IGF2BP3: variants seen among roughly 807,000 people sequenced by gnomAD.
IGF2BP3 encodes the protein insulin-like growth factor 2 mRNA-binding protein 3.
IGF2BP3 carries 9 observed loss-of-function variants against 73.8 expected under a neutral mutation model. The ratio of observed to expected loss-of-function variants is 0.12; its 90% CI spans 0.07 to 0.21. The LOEUF (loss-of-function observed/expected upper bound fraction) is 0.21, where lower values mean the gene tolerates loss of function less well. Among genes scored for constraint, IGF2BP3 ranks in the 10% least tolerant of loss-of-function variants. The probability of loss-of-function intolerance (pLI) is 1.00; values close to 1 mark genes in which losing one functional copy is unlikely to be tolerated. For synonymous variants in IGF2BP3, 258 were observed against 256.7 expected, an observed-to-expected ratio of 1.01 and a Z score of -0.05; for missense variants, 542 against 714.0, an observed-to-expected ratio of 0.76 and a Z score of 2.75.
At chr7:23,330,441 C>T (rs975117620) in intron 10 of IGF2BP3, among the ~76,000 whole-genome samples, 1 of 151,748 alleles carries the variant, frequency 6.6e-6, no homozygotes, top group African/African-American at 2.4e-5. Flanking sequence ...CTGCCTTCCC[C>T]TCTCCTCTCA....
At chr7:23,332,961 A>G (rs185786212) in intron 10 of IGF2BP3, among the ~76,000 whole-genome samples, 2 of 152,244 alleles carry the variant, frequency 1.3e-5, no homozygotes, top group Admixed American at 6.5e-5. Flanking sequence ...GCTGGTGGTG[A>G]TAAAGACCTT....
At chr7:23,347,780 G>C in intron 6 of IGF2BP3, 46 bp from the exon 7 acceptor site, 1 of 1,611,810 alleles carries the variant, frequency 6.2e-7, no homozygotes, top group Non-Finnish European at 8.5e-7. Flanking sequence ...CAGTAAGCGT[G>C]TATTCACAGT....
intron 10 of IGF2BP3, among the ~76,000 whole-genome samples, chr7:23,328,325 C>T (rs1784357348): frequency 6.6e-6 from 1 of 152,162 alleles, no homozygotes; most frequent in Non-Finnish European, 1.5e-5. Context: ...TCTTCTGCTT[C>T]AGCCTCCTGA....
chr7:23,461,426 TAGTA>T (rs754230622), intron 2 of IGF2BP3, among the ~76,000 whole-genome samples: 1 of 152,338 alleles, frequency 6.6e-6, no homozygotes, highest in African/African-American at 2.4e-5. Flanking sequence ...CTTAAATTTC[TAGTA>T]AGTATTAGAA....
chr7:23,348,318 A>C (rs1354111749), intron 6 of IGF2BP3, among the ~76,000 whole-genome samples: 2 of 152,190 alleles, frequency 1.3e-5, no homozygotes, highest in Non-Finnish European at 2.9e-5. Flanking sequence ...TAAACTCAAA[A>C]TGATGTTTAA....
At chr7:23,439,369 A>G (rs894821506) in intron 2 of IGF2BP3, among the ~76,000 whole-genome samples, 2 of 151,648 alleles carry the variant, frequency 1.3e-5, no homozygotes, top group African/African-American at 2.4e-5. Flanking sequence ...CCTGGCTAAC[A>G]CGGTGAAACC....
chr7:23,312,443 A>G lies in IGF2BP3; in HGVS notation c.1659T>C (p.Ile553=), dbSNP rs1316477073. 2 of 1,613,732 alleles carry G rather than the reference A, an allele frequency of 1.2e-6. No individual in the cohort carries two copies. Among genetic ancestry groups the G allele is most frequent in the Non-Finnish European group, 1.7e-6 (2 of 1,179,806 alleles). Residue 553 remains isoleucine, a synonymous_variant, in exon 15 of 15, where the codon ATT becomes ATC. Transcript: ENST00000258729. The part of the protein sequence containing the change: ...FYACQVAQRK[I]QEILTQVKQH... Reference sequence around the variant, plus strand: ...GCTTTACCTGAGTCAGAATTTCCTGAATTTTTCTCTGGGCAACCTAGAAAA... The same window carrying G: ...GCTTTACCTGAGTCAGAATTTCCTGGATTTTTCTCTGGGCAACCTAGAAAA...
In IGF2BP3 at chr7:23,319,848, T is replaced by G. The variant is rs566918805; in HGVS notation, c.1204-594A>C. ...AGGATTAGGAGAGAGCTAATTCACT[T>G]TAGTGGTAAGATGCCCTAAGATGCT... On this transcript the variant is annotated intron_variant, in intron 10 of 14. Coordinates refer to ENST00000258729, the MANE Select transcript of IGF2BP3 (RefSeq NM_006547.3). 2.0e-5 allele frequency among the ~76,000 whole-genome samples: 3 copies of G among 152,310 alleles called. No individual in the cohort carries two copies. The East Asian group carries it at 5.8e-4, about 29-fold the overall frequency.
chr7:23,332,876 A>T (rs938686105), intron 10 of IGF2BP3, among the ~76,000 whole-genome samples: 2 of 152,224 alleles, frequency 1.3e-5, no homozygotes, highest in African/African-American at 4.8e-5. Flanking sequence ...AAAAAAAATT[A>T]AGGGTGGGAT....
At chr7:23,399,804 A>C (rs1404741422) in intron 3 of IGF2BP3, among the ~76,000 whole-genome samples, 1 of 152,214 alleles carries the variant, frequency 6.6e-6, no homozygotes, top group Non-Finnish European at 1.5e-5. Context: ...GACTATCATT[A>C]AGGTCGGTAG....
intron 10 of IGF2BP3, among the ~76,000 whole-genome samples, chr7:23,320,956 AAAAAAAAAAAAAAG>A (rs1784125023): frequency 6.8e-6 from 1 of 146,130 alleles, no homozygotes; most frequent in African/African-American, 2.6e-5. Context: ...TCAAAAAAAA[AAAAAAAAAAAAAAG>A]AAAAAACAAA....
At chr7:23,452,090 C>T (rs1347596156) in intron 2 of IGF2BP3, among the ~76,000 whole-genome samples, 94 of 151,770 alleles carry the variant, frequency 6.2e-4, no homozygotes, top group Non-Finnish European at 9.1e-4. Flanking sequence ...CTGCAAGCTC[C>T]GCTTCCTGGG....
rs1297290512 is a variant in IGF2BP3, at chr7:23,348,343, A to G, written c.684-609T>C. On this transcript the variant is annotated intron_variant, in intron 6 of 14. Coordinates refer to ENST00000258729, the MANE Select transcript of IGF2BP3 (RefSeq NM_006547.3). ...ATGATGTTTAATTTCACTAGTAATT[A>G]TATGTCTGCCAGCTAAAAGAATGTC... Among the ~76,000 whole-genome samples, 3 of 152,222 alleles carry G rather than the reference A, an allele frequency of 2.0e-5. No homozygotes were observed. The East Asian group carries it at 5.8e-4, about 29-fold the overall frequency.
rs777852676 is a variant in IGF2BP3 at position 23,445,591 on chromosome 7, G to A, written c.236+22891C>T. Among the ~76,000 whole-genome samples, 36 of 151,964 alleles carry A rather than the reference G, an allele frequency of 2.4e-4. 1 individual carries two copies. The highest frequency in any genetic ancestry group is 4.6e-4 in the Non-Finnish European group (31 of 68,004). ...CTTAAGATTCCATTAGATTTGTTTC[G>A]GTATGTACATTATTCATCAAGAGAC... On this transcript the variant is annotated intron_variant, in intron 2 of 14. Transcript: ENST00000258729.
chr7:23,431,552 C>G (rs1288697661), intron 2 of IGF2BP3, among the ~76,000 whole-genome samples: 13 of 151,236 alleles, frequency 8.6e-5, no homozygotes, highest in Non-Finnish European at 1.9e-4. Context: ...AACAGAGGGT[C>G]ACAGGTACAC....
At chr7:23,320,947 C>CAAAAAAAAAAAAAAAAAAAAAAAAA (rs70966008) in intron 10 of IGF2BP3, among the ~76,000 whole-genome samples, 13 of 96,480 alleles carry the variant, frequency 1.3e-4, no homozygotes, top group African/African-American at 2.5e-4. Context: ...AACTCTGTCT[C>CAAAAAAAAAAAAAAAAAAAAAAAAA]AAAAAAAAAA....
At chr7:23,348,053 T>C (rs1042837048) in intron 6 of IGF2BP3, among the ~76,000 whole-genome samples, 1 of 152,208 alleles carries the variant, frequency 6.6e-6, no homozygotes, top group African/African-American at 2.4e-5. Context: ...CTGGATTCAA[T>C]CTGCTCTAAA....
chr7:23,437,609 A>C (rs971355995), intron 2 of IGF2BP3, among the ~76,000 whole-genome samples: 1 of 152,222 alleles, frequency 6.6e-6, no homozygotes. Flanking sequence ...ATTCTGATAG[A>C]AGCAAAAAAG....
At chr7:23,388,826 T>C (rs6943423) in intron 3 of IGF2BP3, among the ~76,000 whole-genome samples, 5 of 147,540 alleles carry the variant, frequency 3.4e-5, no homozygotes, top group Admixed American at 2.0e-4. Flanking sequence ...AACATCCACA[T>C]AGAGACCTAC....
Sources: allele counts gnomAD v4.1 joint callset (sites outside exome capture counted in the v4.1 genomes callset), GRCh38; gene constraint gnomAD v4.1.1; transcripts MANE v1.5; gene names NCBI Gene and HGNC (gene_info 2026-07-23, HGNC 2026-07-21).